Variants in SOWAHB observed in about 807,000 individuals in gnomAD.
SOWAHB encodes the protein ankyrin repeat domain-containing protein SOWAHB.
Under a neutral mutation model 18.3 loss-of-function variants are expected in SOWAHB, and 17 were observed. The observed-to-expected ratio is 0.93, with a 90% CI of 0.64 to 1.40. The LOEUF is 1.40. Among genes scored for constraint, SOWAHB ranks in the 40% most tolerant of loss-of-function variants. The probability of loss-of-function intolerance (pLI) is 0.00; values close to 1 mark genes in which losing one functional copy is unlikely to be tolerated. For missense variants in SOWAHB, 1,126 were observed against 1,033.7 expected (o/e 1.09, Z -1.22); for synonymous variants, 496 against 448.1 (o/e 1.11, Z -1.35).
chr4:76,895,391 C>CT lies in SOWAHB; in HGVS notation c.*76dup. The CT allele has an allele frequency of 7.1e-7, 1 of 1,405,040 alleles. No homozygotes were observed. Among genetic ancestry groups the CT allele is most frequent in the Non-Finnish European group, 9.7e-7 (1 of 1,032,492 alleles). 87.0% of individuals were successfully genotyped at this position (1,405,040 alleles called of 1,614,324 possible). On this transcript the variant is annotated 3_prime_UTR_variant, in exon 1 of 1. Transcript: ENST00000334306. Reference sequence around the variant, plus strand: ...CATCCTCTTTACCAACTCTCAGCAGCTTTTCTATTCCCCCTGAATTCTCTC... The same window carrying CT: ...CATCCTCTTTACCAACTCTCAGCAGCTTTTTCTATTCCCCCTGAATTCTCTC...
Position 76,895,216 on chromosome 4 carries a change from A to G in SOWAHB, c.*252T>C, listed in dbSNP as rs1365779905. The G allele has an allele frequency of 7.4e-6, 3 of 404,010 alleles. No homozygotes were observed. Among genetic ancestry groups the G allele is most frequent in the Non-Finnish European group, 4.4e-6 (1 of 227,606 alleles). 25.0% of individuals were successfully genotyped at this position (404,010 alleles called of 1,614,324 possible). ...TCCATGGTGGCAAGGGAAGAGGAAG[A>G]ATGCCTCCTAGATATCAAGCACCTG... On this transcript the variant is annotated 3_prime_UTR_variant, in exon 1 of 1. Coordinates refer to ENST00000334306, the MANE Select transcript of SOWAHB (RefSeq NM_001029870.3).
Position 76,897,533 on chromosome 4 carries a change from G to A in SOWAHB, c.317C>T (p.Ser106Phe). Residue 106 changes from serine to phenylalanine, a missense_variant, in exon 1 of 1, where the codon TCC becomes TTC. By Grantham distance (155) the Ser-to-Phe change is radical. Coordinates refer to ENST00000334306, the MANE Select transcript of SOWAHB (RefSeq NM_001029870.3). This position sits in a 1 kb window ranked among gnomAD's most constrained non-coding sequence, Gnocchi z 6.4. Reference protein sequence around the residue: ...APSAGGAAPCSPRGARRGEPP... With the variant: ...APSAGGAAPCFPRGARRGEPP... ...CTCCCCCCGGCGCGCGCCTCGCGGGGAGCAGGGCGCAGCTCCCCCTGCACT... is the reference window on the plus strand; with the variant it reads ...CTCCCCCCGGCGCGCGCCTCGCGGGAAGCAGGGCGCAGCTCCCCCTGCACT... The A allele has an allele frequency of 1.4e-6, 2 of 1,451,176 alleles. No homozygotes were observed. Among genetic ancestry groups the A allele is most frequent in the Middle Eastern group, 2.4e-4 (1 of 4,200 alleles). The allele number at this position is 1,451,176 out of a possible 1,614,324, so 89.9% of individuals were successfully genotyped here. A position where few individuals can be genotyped will look rare whatever the true frequency, so the allele number is the denominator to read the frequency against.
Position 76,896,374 on chromosome 4 carries a change from T to TA in SOWAHB, c.1475dup (p.Leu492PhefsTer20). 6.3e-7 allele frequency: 1 copy of TA among 1,598,318 alleles called. No individual in the cohort carries two copies. The highest frequency in any genetic ancestry group is 8.5e-7 in the Non-Finnish European group (1 of 1,171,078). On this transcript the variant is annotated frameshift_variant, in exon 1 of 1. Coordinates refer to ENST00000334306, the MANE Select transcript of SOWAHB (RefSeq NM_001029870.3). LOFTEE classifies it low-confidence loss of function (END_TRUNC). Reference sequence around the variant, plus strand: ...GAGAGCTCCTCCTGAGGGACCTCCTTAACTTAGGAACTGGCCAAGGCAAAG... The same window carrying TA: ...GAGAGCTCCTCCTGAGGGACCTCCTTAAACTTAGGAACTGGCCAAGGCAAAG...
rs749223047 is a variant in SOWAHB at position 76,895,973 on chromosome 4, T to C, written c.1877A>G (p.Lys626Arg). ...CGCAGTGTACCCAGTCAAAAAGTCT[T>C]TGTGCAAGGCCAGTTGAGGGTCCTC... is the stretch of plus-strand genomic sequence containing the variant. ...FWEDPQLALH[K>R]DFLTGYTALH... The change falls in exon 1 of 1, where the codon AAA becomes AGA. Residue 626 changes from lysine to arginine, a missense_variant. Physicochemically the swap from Lys to Arg is conservative, Grantham distance 26. Transcript: ENST00000334306. The C allele has an allele frequency of 1.9e-6, 3 of 1,613,954 alleles. No homozygotes were observed. The African/African-American group carries it at 4.0e-5, about 22-fold the overall frequency.
Position 76,895,185 on chromosome 4 carries a change from C to G in SOWAHB, c.*283G>C. 1 of 330,502 alleles carries G rather than the reference C, an allele frequency of 3.0e-6. No homozygotes were observed. The highest frequency in any genetic ancestry group is 5.5e-6 in the Non-Finnish European group (1 of 181,534). 20.5% of individuals were successfully genotyped at this position (330,502 alleles called of 1,614,324 possible). A position where few individuals can be genotyped will look rare whatever the true frequency, so the allele number is the denominator to read the frequency against. On this transcript the variant is annotated 3_prime_UTR_variant, in exon 1 of 1. Transcript: ENST00000334306. The stretch of plus-strand genomic sequence containing the variant: ...TCAGGAAACAATATGGCTTACTGTG[C>G]CCAGCTCCATGGTGGCAAGGGAAGA...
chr4:76,897,690 A>C lies in SOWAHB; in HGVS notation c.160T>G (p.Phe54Val), dbSNP rs1719968768. The change falls in exon 1 of 1, where the codon TTC becomes GTC. Residue 54 changes from phenylalanine to valine, a missense_variant. Coordinates refer to ENST00000334306, the MANE Select transcript of SOWAHB (RefSeq NM_001029870.3). The surrounding 1 kb of genome is among the most constrained non-coding windows in gnomAD (Gnocchi z 6.4). ...CGCACTGCGGCGACCGAGTTGACGA[A>C]GCCCTTGAAGAGCTCGCGGCGGTGC... ...HQHRRELFKG[F>V]VNSVAAVRQD... 1.2e-6 allele frequency: 2 copies of C among 1,611,974 alleles called. No individual in the cohort carries two copies. The highest frequency in any genetic ancestry group is 1.3e-5 in the African/African-American group (1 of 75,036).
chr4:76,896,400 G>A lies in SOWAHB; in HGVS notation c.1450C>T (p.Pro484Ser), dbSNP rs767234350. 6.2e-7 allele frequency: 1 copy of A among 1,600,338 alleles called. No individual in the cohort carries two copies. The highest frequency in any genetic ancestry group is 8.5e-7 in the Non-Finnish European group (1 of 1,173,032). ...AACTTAGGAACTGGCCAAGGCAAAGGCTTCAGGGGGTGGCCTGCAAGGCCA... is the reference window on the plus strand; with the variant it reads ...AACTTAGGAACTGGCCAAGGCAAAGACTTCAGGGGGTGGCCTGCAAGGCCA... ...ANGLAGHPLKPLPWPVPKLRR... is the reference protein window; with the variant it reads ...ANGLAGHPLKSLPWPVPKLRR... The change falls in exon 1 of 1, where the codon CCT (proline) becomes TCT (serine). Residue 484 changes from proline (P) to serine (S), a missense_variant. Transcript: ENST00000334306.
chr4:76,897,149 T>C lies in SOWAHB; in HGVS notation c.701A>G (p.Asp234Gly), dbSNP rs893128275. The change falls in exon 1 of 1, where the codon GAC (aspartate) becomes GGC (glycine). Residue 234 changes from aspartate to glycine, a missense_variant. Physicochemically the swap from Asp to Gly is moderately conservative, Grantham distance 94. Coordinates refer to ENST00000334306, the MANE Select transcript of SOWAHB (RefSeq NM_001029870.3). This position sits in a 1 kb window ranked among gnomAD's most constrained non-coding sequence, Gnocchi z 6.4. ...KPARALPAQD[D>G]RGASREREEG... The stretch of plus-strand genomic sequence containing the variant: ...TTCCCGCTCCCTGGAAGCCCCGCGG[T>C]CATCCTGGGCAGGCAGAGCCCGTGC... The C allele has an allele frequency of 7.1e-6, 11 of 1,553,564 alleles. No homozygotes were observed. Among genetic ancestry groups the C allele is most frequent in the Non-Finnish European group, 8.6e-6 (10 of 1,156,550 alleles).
rs556043949 is a variant in SOWAHB at position 76,897,896 on chromosome 4, G to T, written c.-47C>A. On this transcript the variant is annotated 5_prime_UTR_variant, in exon 1 of 1. Coordinates refer to ENST00000334306, the MANE Select transcript of SOWAHB (RefSeq NM_001029870.3). This position sits in a 1 kb window ranked among gnomAD's most constrained non-coding sequence, Gnocchi z 6.4. ...AGAGGTGTCTGAGTCTCGCCCTCCC[G>T]GGGCTCTCCCCAGCCAGAGGAAACC... 1 of 1,531,714 alleles carries T rather than the reference G, an allele frequency of 6.5e-7. No homozygotes were observed. Among genetic ancestry groups the T allele is most frequent in the East Asian group, 2.4e-5 (1 of 41,304 alleles). 94.9% of individuals were successfully genotyped at this position (1,531,714 alleles called of 1,614,324 possible).
chr4:76,897,718 G>A lies in SOWAHB; in HGVS notation c.132C>T (p.His44=), dbSNP rs773682849. The A allele has an allele frequency of 2.5e-6, 4 of 1,610,888 alleles. No individual in the cohort carries two copies. The highest frequency in any genetic ancestry group is 4.5e-5 in the East Asian group (2 of 44,840). The change falls in exon 1 of 1, where the codon CAC becomes CAT. Residue 44 remains histidine (H), a synonymous_variant. Transcript: ENST00000334306. The surrounding 1 kb of genome is among the most constrained non-coding windows in gnomAD (Gnocchi z 6.4). The part of the protein sequence containing the change: ...LRDPDASPSQ[H]QHRRELFKGF... The stretch of plus-strand genomic sequence containing the variant: ...CCTTGAAGAGCTCGCGGCGGTGCTG[G>A]TGCTGGCTGGGGGACGCGTCGGGGT...
Position 76,895,862 on chromosome 4 carries a change from A to T in SOWAHB, c.1988T>A (p.Val663Glu). The T allele has an allele frequency of 6.2e-7, 1 of 1,614,220 alleles. No individual in the cohort carries two copies. Among genetic ancestry groups the T allele is most frequent in the East Asian group, 2.2e-5 (1 of 44,878 alleles). Residue 663 changes from valine (V) to glutamate (E), a missense_variant, in exon 1 of 1, where the codon GTA (valine) becomes GAA (glutamate). Val to Glu is a moderately radical substitution (Grantham distance 121). Transcript: ENST00000334306. ...ATATCCACAACTGGACCTCACGTTTACATCAAGGACAATCCCTGCCTTCTT... is the reference window on the plus strand; with the variant it reads ...ATATCCACAACTGGACCTCACGTTTTCATCAAGGACAATCCCTGCCTTCTT... ...GAKKAGIVLD[V>E]NVRSSCGYTP...
Position 76,895,691 on chromosome 4 carries a change from C to T in SOWAHB, c.2159G>A (p.Trp720Ter), listed in dbSNP as rs1261987322. 6.2e-7 allele frequency: 1 copy of T among 1,614,136 alleles called. No homozygotes were observed. The highest frequency in any genetic ancestry group is 2.2e-5 in the East Asian group (1 of 44,902). ...YLTSNTSGEI[W>*]QLLGAPRGKP... is the part of the protein sequence containing the mutation. Reference sequence around the variant, plus strand: ...GCCCCGAGGAGCTCCCAACAGCTGCCATATTTCCCCAGAGGTATTACTGGT... The same window carrying T: ...GCCCCGAGGAGCTCCCAACAGCTGCTATATTTCCCCAGAGGTATTACTGGT... Residue 720 changes from tryptophan (W) to a stop codon, truncating the protein, a stop_gained, in exon 1 of 1, where the codon TGG (tryptophan) becomes TAG (stop). Transcript: ENST00000334306. LOFTEE classifies it high-confidence loss of function.
rs768538923 is a variant in SOWAHB, at chr4:76,897,604, C to T, written c.246G>A (p.Gly82=). The T allele has an allele frequency of 2.5e-6, 4 of 1,610,148 alleles. No homozygotes were observed. The highest frequency in any genetic ancestry group is 3.4e-6 in the Non-Finnish European group (4 of 1,179,646). ...VLKRRYRDLL[G]EEGLQRPREP... is the part of the protein sequence containing the mutation. ...CGCGGGGTCGCTGCAGCCCCTCCTC[C>T]CCCAAAAGGTCCCTGTATCTCCTCT... Residue 82 remains glycine, a synonymous_variant, in exon 1 of 1, where the codon GGG becomes GGA. Coordinates refer to ENST00000334306, the MANE Select transcript of SOWAHB (RefSeq NM_001029870.3). The surrounding 1 kb of genome is among the most constrained non-coding windows in gnomAD (Gnocchi z 6.4).
rs764599957 is a variant in SOWAHB at position 76,894,412 on chromosome 4, G to T, written c.*1056C>A. Among the ~76,000 whole-genome samples, 4 of 152,162 alleles carry T rather than the reference G, an allele frequency of 2.6e-5. No individual in the cohort carries two copies. The highest frequency in any genetic ancestry group is 4.4e-5 in the Non-Finnish European group (3 of 68,038). On this transcript the variant is annotated 3_prime_UTR_variant, in exon 1 of 1. Coordinates refer to ENST00000334306, the MANE Select transcript of SOWAHB (RefSeq NM_001029870.3). ...CGGTCTCTTCAAAAGCAATTAAAAA[G>T]GAGCACTTCATGTTAGATATAGAGT...
At position 76,897,378 on chromosome 4, in the gene SOWAHB, C is replaced by A; in HGVS notation, c.472G>T (p.Gly158Trp). 6.5e-7 allele frequency: 1 copy of A among 1,529,158 alleles called. No individual in the cohort carries two copies. The allele number at this position is 1,529,158 out of a possible 1,614,324, so 94.7% of individuals were successfully genotyped here. ...LPGSDSRRAP[G>W]KGGGSKGSPG... ...CTGCCCTTCGATCCGCCGCCCTTCC[C>A]GGGCGCCCTACGGGAGTCGCTGCCC... is the stretch of plus-strand genomic sequence containing the variant. Residue 158 changes from glycine (G) to tryptophan (W), a missense_variant, in exon 1 of 1, where the codon GGG becomes TGG. Transcript: ENST00000334306. This position sits in a 1 kb window ranked among gnomAD's most constrained non-coding sequence, Gnocchi z 6.4.
Position 76,896,693 on chromosome 4 carries a change from C to T in SOWAHB, c.1157G>A (p.Arg386His), listed in dbSNP as rs749593280. Residue 386 changes from arginine (R) to histidine (H), a missense_variant, in exon 1 of 1, where the codon CGT (arginine) becomes CAT (histidine). Physicochemically the swap from Arg to His is conservative, Grantham distance 29. Transcript: ENST00000334306. ...NPSLTVFRSIRCQLSLQDLDD... is the reference protein window; with the variant it reads ...NPSLTVFRSIHCQLSLQDLDD... ...CAGATCTTGGAGGGACAGCTGACAACGAATGCTGCGAAAGACAGTCAATGA... is the reference window on the plus strand; with the variant it reads ...CAGATCTTGGAGGGACAGCTGACAATGAATGCTGCGAAAGACAGTCAATGA... 1.2e-5 allele frequency: 19 copies of T among 1,613,912 alleles called. No individual in the cohort carries two copies. The highest frequency in any genetic ancestry group is 1.6e-4 in the Middle Eastern group (1 of 6,084).
In SOWAHB at chr4:76,898,063, G is replaced by T. The variant is rs1578083710; in HGVS notation, c.-214C>A. The T allele has an allele frequency of 1.8e-6, 1 of 550,650 alleles. No homozygotes were observed. The highest frequency in any genetic ancestry group is 2.0e-5 in the African/African-American group (1 of 49,356). The allele number at this position is 550,650 out of a possible 1,614,324, so 34.1% of individuals were successfully genotyped here. A position where few individuals can be genotyped will look rare whatever the true frequency, so the allele number is the denominator to read the frequency against. ...GTGGCCCCAAGGCTGAGTCCCCGCG[G>T]CAGTCTGCGTGAGAGAGGGCGGCTC... On this transcript the variant is annotated 5_prime_UTR_variant, in exon 1 of 1. Transcript: ENST00000334306.
rs1009854236 is a variant in SOWAHB, at chr4:76,897,419, G to A, written c.431C>T (p.Ala144Val). The A allele has an allele frequency of 2.6e-6, 4 of 1,518,420 alleles. No homozygotes were observed. The highest frequency in any genetic ancestry group is 2.0e-5 in the Admixed American group (1 of 49,746). 94.1% of individuals were successfully genotyped at this position (1,518,420 alleles called of 1,614,324 possible). ...GTCGCTGCCCGGGAGTCCATTGCAA[G>A]CTGCGTCGGCGGCTCTGGCTGCTGC... The part of the protein sequence containing the change: ...AGAAARAADA[A>V]CNGLPGSDSR... Residue 144 changes from alanine (A) to valine (V), a missense_variant, in exon 1 of 1, where the codon GCT (alanine) becomes GTT (valine). Coordinates refer to ENST00000334306, the MANE Select transcript of SOWAHB (RefSeq NM_001029870.3). This position sits in a 1 kb window ranked among gnomAD's most constrained non-coding sequence, Gnocchi z 6.4.
chr4:76,896,266 T>C lies in SOWAHB; in HGVS notation c.1584A>G (p.Arg528=), dbSNP rs111454593. 612 of 1,604,566 alleles carry C rather than the reference T, an allele frequency of 3.8e-4. 3 individuals are homozygous for C. The African/African-American group carries it at 7.2e-3, about 19-fold the overall frequency. The change falls in exon 1 of 1, where the codon CGA becomes CGG. Residue 528 remains arginine (R), a synonymous_variant. Transcript: ENST00000334306. The stretch of plus-strand genomic sequence containing the variant: ...TTCCTGCCTTGGAGGGCTTCCTGGA[T>C]CGAGGTGGGCGCCGACTTCTTTTCA... The part of the protein sequence containing the change: ...GLLKRSRRPP[R]SRKPSKAGTA...
Sources: gnomAD v4.1 joint callset for allele counts (sites outside exome capture counted in the v4.1 genomes callset) on GRCh38, gnomAD v4.1.1 for gene constraint, Gnocchi (gnomAD v3.1) non-coding constraint, MANE v1.5 for transcripts, NCBI Gene and HGNC (gene_info 2026-07-23, HGNC 2026-07-21) for gene names.